Variants in HECW2 observed in about 807,000 individuals in gnomAD.
The protein encoded by HECW2 is HECT, C2 and WW domain containing E3 ubiquitin protein ligase 2.
HECW2 carries 61 observed loss-of-function variants against 175.2 expected under a neutral mutation model. That is an observed-to-expected ratio of 0.35 (90% CI 0.28 to 0.43). HECW2 has a LOEUF of 0.43. HECW2 is among the 20% of genes least tolerant of loss of function. The pLI, the probability that HECW2 is intolerant of heterozygous loss-of-function variation, is 1.00. For synonymous variants in HECW2, 671 were observed against 731.0 expected (o/e 0.92, Z 1.32); for missense variants, 1,524 against 2,000.5 (o/e 0.76, Z 4.54).
intron 1 of HECW2, among the ~76,000 whole-genome samples, chr2:196,453,252 T>C (rs909666262): frequency 6.6e-6 from 1 of 152,192 alleles, no homozygotes; most frequent in Admixed American, 6.5e-5. Context: ...TTTTACATCA[T>C]ATCAGTTTAG....
intron 13 of HECW2, among the ~76,000 whole-genome samples, chr2:196,297,448 G>A (rs1205957561): frequency 6.6e-6 from 1 of 152,176 alleles, no homozygotes; most frequent in Non-Finnish European, 1.5e-5. Flanking sequence ...TTGCCATTTG[G>A]CAGCAGAATA....
intron 2 of HECW2, among the ~76,000 whole-genome samples, chr2:196,398,504 GAA>G: frequency 6.6e-6 from 1 of 152,270 alleles, no homozygotes; most frequent in South Asian, 2.1e-4. Context: ...TATGAGAATG[GAA>G]AAGAAGAAAT....
chr2:196,224,020 G>T (rs1687762270), intron 23 of HECW2, among the ~76,000 whole-genome samples: 1 of 152,182 alleles, frequency 6.6e-6, no homozygotes, highest in African/African-American at 2.4e-5. Context: ...AAGTTAAAAA[G>T]ATTTCTGAGG....
intron 28 of HECW2, 60 bp downstream of exon 28, chr2:196,215,805 C>T: frequency 8.4e-7 from 1 of 1,192,034 alleles, no homozygotes; most frequent in Non-Finnish European, 1.2e-6. Context: ...TCAATATATA[C>T]ATAAATGAAT....
At chr2:196,297,157 G>C (rs1216590916) in intron 13 of HECW2, among the ~76,000 whole-genome samples, 1 of 152,200 alleles carries the variant, frequency 6.6e-6, no homozygotes, top group African/African-American at 2.4e-5. Flanking sequence ...GTTAATAGTA[G>C]ACAAAGCCCC....
chr2:196,343,790 C>A, intron 2 of HECW2, 26 bp from the exon 3 acceptor site: 1 of 1,394,654 alleles, frequency 7.2e-7, no homozygotes, highest in Non-Finnish European at 1.0e-6. Flanking sequence ...AAACACTTTT[C>A]AGATTAATTA....
chr2:196,348,003 C>T lies in HECW2; in HGVS notation c.293-4239G>A, dbSNP rs566243605. On this transcript the variant is annotated intron_variant, in intron 2 of 28. Transcript: ENST00000644978. ...ATGGCTACTACAATCTCTACAACTG[C>T]CACTGCTCCTACTGTGGCTAGCAGA... 3.7e-3 allele frequency among the ~76,000 whole-genome samples: 565 copies of T among 152,372 alleles called. 6 individuals carry two copies. Among genetic ancestry groups the T allele is most frequent in the South Asian group, 0.011 (53 of 4,832 alleles).
At chr2:196,347,238 T>C (rs1559057513) in intron 2 of HECW2, among the ~76,000 whole-genome samples, 1 of 151,638 alleles carries the variant, frequency 6.6e-6, no homozygotes, top group Admixed American at 6.6e-5. Flanking sequence ...ATTTTTATAT[T>C]TTCAGTAGAG....
At chr2:196,517,983 T>C (rs1688210123) in intron 1 of HECW2, among the ~76,000 whole-genome samples, 1 of 152,196 alleles carries the variant, frequency 6.6e-6, no homozygotes, top group Non-Finnish European at 1.5e-5. Flanking sequence ...TTAGAGACCA[T>C]GCACTTTACA....
intron 19 of HECW2, among the ~76,000 whole-genome samples, chr2:196,249,006 AAAT>A (rs1210889282): frequency 6.6e-6 from 1 of 152,310 alleles, no homozygotes; most frequent in East Asian, 1.9e-4. Context: ...CCAAACCATG[AAAT>A]ATCCTCAATG....
Position 196,343,730 on chromosome 2 carries a change from C to T in HECW2, c.327G>A (p.Lys109=). 6.2e-7 allele frequency: 1 copy of T among 1,613,764 alleles called. No individual in the cohort carries two copies. Among genetic ancestry groups the T allele is most frequent in the Admixed American group, 1.7e-5 (1 of 60,016 alleles). ...ENSPANFWDS[K]NRGVTGTQKG... ...TTTGTGTTCCAGTCACACCCCTGTT[C>T]TTAGAATCCCAGAAGTTGGCTGGAG... Residue 109 remains lysine (K), a synonymous_variant, in exon 3 of 29, where the codon AAG becomes AAA. Coordinates refer to ENST00000644978, the MANE Select transcript of HECW2 (RefSeq NM_001348768.2).
intron 2 of HECW2, among the ~76,000 whole-genome samples, chr2:196,419,087 C>T (rs914995172): frequency 1.7e-4 from 26 of 152,158 alleles, no homozygotes; most frequent in Admixed American, 3.3e-4. Context: ...GGTGCTCAGC[C>T]TACAACATGA....
In HECW2 at chr2:196,368,798, T is replaced by C. The variant is rs116819085; in HGVS notation, c.293-25034A>G. Among the ~76,000 whole-genome samples the C allele has an allele frequency of 4.0e-3, 604 of 152,236 alleles. 6 individuals are homozygous for C. The highest frequency in any genetic ancestry group is 0.013 in the African/African-American group (558 of 41,552). The stretch of plus-strand genomic sequence containing the variant: ...TCAATATGTCAGTTGCATTTCCAAC[T>C]CCAGAGTTTCTGCTTGACTCTTTTT... On this transcript the variant is annotated intron_variant, in intron 2 of 28. Transcript: ENST00000644978.
At chr2:196,578,182 C>T (rs1194446254) in intron 1 of HECW2, among the ~76,000 whole-genome samples, 1 of 151,606 alleles carries the variant, frequency 6.6e-6, no homozygotes, top group East Asian at 1.9e-4. Context: ...CTTTAAAGGA[C>T]CAAAAAGAAG....
At chr2:196,568,622 G>A (rs1303954805) in intron 1 of HECW2, among the ~76,000 whole-genome samples, 3 of 152,110 alleles carry the variant, frequency 2.0e-5, no homozygotes, top group Admixed American at 6.6e-5. Context: ...AGTTGAAACC[G>A]TACTTTAGAT....
chr2:196,523,484 T>C (rs1688501754), intron 1 of HECW2, among the ~76,000 whole-genome samples: 1 of 150,536 alleles, frequency 6.6e-6, no homozygotes, highest in African/African-American at 2.4e-5. Flanking sequence ...TCCTGCCTAA[T>C]TGCCCTGGCC....
At chr2:196,249,976 T>A (rs10931735) in intron 19 of HECW2, among the ~76,000 whole-genome samples, 31,954 of 152,264 alleles carry the variant, frequency 0.21, 4,054 homozygotes, top group East Asian at 0.42. Flanking sequence ...ATTACTCATG[T>A]GCATTTGCGA....
intron 28 of HECW2, among the ~76,000 whole-genome samples, chr2:196,205,344 C>T (rs955143848): frequency 2.6e-5 from 4 of 152,144 alleles, no homozygotes; most frequent in African/African-American, 7.2e-5. Flanking sequence ...GATTAATGCT[C>T]ATGGCTTCAT....
intron 1 of HECW2, among the ~76,000 whole-genome samples, chr2:196,543,110 T>A (rs1689285458): frequency 6.6e-6 from 1 of 150,902 alleles, no homozygotes; most frequent in African/African-American, 2.4e-5. Context: ...TTCAGTGATT[T>A]TTATTTTTTC....
Sources: allele counts gnomAD v4.1 joint callset (sites outside exome capture counted in the v4.1 genomes callset), GRCh38; gene constraint gnomAD v4.1.1; transcripts MANE v1.5; gene names NCBI Gene and HGNC (gene_info 2026-07-23, HGNC 2026-07-21).